The following DENND1A variants were observed in gnomAD, a reference collection of about 807,000 sequenced individuals.
The protein encoded by DENND1A is DENN domain-containing protein 1A.
In DENND1A, 51 loss-of-function variants were observed where a neutral mutation model predicts 113.7. That is an observed-to-expected ratio of 0.45 (90% CI 0.36 to 0.57). The LOEUF (loss-of-function observed/expected upper bound fraction) is 0.57, where lower values mean the gene tolerates loss of function less well. DENND1A is among the 20% of genes least tolerant of loss of function. DENND1A has a pLI of 0.00. For synonymous variants in DENND1A, 565 were observed against 570.8 expected (o/e 0.99, Z 0.14); for missense variants, 1,258 against 1,395.9 (o/e 0.90, Z 1.57).
chr9:123,692,051 G>C (rs1383867284), intron 5 of DENND1A, among the ~76,000 whole-genome samples: 1 of 152,128 alleles, frequency 6.6e-6, no homozygotes, highest in Non-Finnish European at 1.5e-5. Flanking sequence ...AGCAGGTGCG[G>C]TCCTCCCATT....
intron 5 of DENND1A, among the ~76,000 whole-genome samples, chr9:123,684,914 C>G (rs1158817270): frequency 6.6e-6 from 1 of 152,154 alleles, no homozygotes; most frequent in Admixed American, 6.5e-5. Flanking sequence ...TGGGTCAGTG[C>G]TTTGATAGAG....
At chr9:123,870,926 T>C (rs1435754430) in intron 2 of DENND1A, among the ~76,000 whole-genome samples, 6 of 152,142 alleles carry the variant, frequency 3.9e-5, no homozygotes, top group Non-Finnish European at 7.4e-5. Context: ...TCTATTGCCA[T>C]TCTTCAAGCT....
At chr9:123,696,645 C>G (rs779566160) in intron 5 of DENND1A, among the ~76,000 whole-genome samples, 1 of 152,152 alleles carries the variant, frequency 6.6e-6, no homozygotes, top group Non-Finnish European at 1.5e-5. Flanking sequence ...TTTATTCTAA[C>G]CAGAAGCAGC....
At chr9:123,452,425 T>A in intron 16 of DENND1A, 78 bp from the exon 17 acceptor site, 1 of 1,166,980 alleles carries the variant, frequency 8.6e-7, no homozygotes, top group East Asian at 2.3e-5. Context: ...TTCTCTTCAA[T>A]CGAGTTAAGC....
chr9:123,613,509 G>C (rs890818819), intron 10 of DENND1A, among the ~76,000 whole-genome samples: 1 of 152,148 alleles, frequency 6.6e-6, no homozygotes. Context: ...GAACTTATTT[G>C]TTGCTGTTCT....
chr9:123,443,748 A>G (rs757071291), intron 18 of DENND1A, among the ~76,000 whole-genome samples: 6 of 152,226 alleles, frequency 3.9e-5, no homozygotes, highest in Non-Finnish European at 8.8e-5. Flanking sequence ...TGAGCCCAGG[A>G]GTTTGAGACC....
intron 5 of DENND1A, among the ~76,000 whole-genome samples, chr9:123,721,288 C>A (rs2067314784): frequency 6.6e-6 from 1 of 152,212 alleles, no homozygotes; most frequent in African/African-American, 2.4e-5. Context: ...GTCCTTCCAG[C>A]CTCATTTCCT....
At chr9:123,487,535 C>T (rs1190382675) in intron 13 of DENND1A, among the ~76,000 whole-genome samples, 3 of 152,190 alleles carry the variant, frequency 2.0e-5, no homozygotes, top group African/African-American at 7.2e-5. Flanking sequence ...CGCATGGCCC[C>T]CAAATGGCTT....
intron 5 of DENND1A, among the ~76,000 whole-genome samples, chr9:123,753,592 G>A (rs1295120916): frequency 6.6e-6 from 1 of 152,144 alleles, no homozygotes; most frequent in Non-Finnish European, 1.5e-5. Flanking sequence ...CATGACACCT[G>A]TCCTCTCATT....
At chr9:123,781,084 A>G (rs7036122) in intron 3 of DENND1A, among the ~76,000 whole-genome samples, 11,777 of 152,224 alleles carry the variant, frequency 0.077, 926 homozygotes, top group African/African-American at 0.2. Flanking sequence ...CACAGCTAAG[A>G]TTTTGTGCAG....
At chr9:123,728,492 A>AC (rs1564149980) in intron 5 of DENND1A, among the ~76,000 whole-genome samples, 1 of 142,734 alleles carries the variant, frequency 7.0e-6, no homozygotes, top group African/African-American at 2.7e-5. Context: ...AAAAAAAAAA[A>AC]AAAAAAAAAA....
At chr9:123,396,103 G>C (rs888954840) in intron 21 of DENND1A, among the ~76,000 whole-genome samples, 2 of 152,168 alleles carry the variant, frequency 1.3e-5, no homozygotes, top group Non-Finnish European at 2.9e-5. Flanking sequence ...GGTGGTTCGT[G>C]GGGGAGGTGT....
At chr9:123,895,391 C>T (rs1359404660) in intron 1 of DENND1A, among the ~76,000 whole-genome samples, 5 of 152,110 alleles carry the variant, frequency 3.3e-5, no homozygotes, top group South Asian at 4.1e-4. Context: ...GAGGCCAAGG[C>T]GGGTGGATCA....
chr9:123,748,802 C>T (rs1459571495), intron 5 of DENND1A, among the ~76,000 whole-genome samples: 1 of 152,166 alleles, frequency 6.6e-6, no homozygotes, highest in Non-Finnish European at 1.5e-5. Flanking sequence ...AATCAAAAAG[C>T]ACCGAGGAGC....
intron 5 of DENND1A, among the ~76,000 whole-genome samples, chr9:123,747,932 T>C (rs1179785489): frequency 2.0e-5 from 3 of 152,118 alleles, no homozygotes; most frequent in African/African-American, 7.2e-5. Context: ...CTATTCTTCA[T>C]TGTCAAGAAT....
intron 8 of DENND1A, among the ~76,000 whole-genome samples, chr9:123,663,115 T>G (rs1204911417): frequency 6.6e-6 from 1 of 152,242 alleles, no homozygotes; most frequent in Non-Finnish European, 1.5e-5. Context: ...TAATATGCAT[T>G]ACTTTCATAA....
At chr9:123,530,617 GT>G (rs200841007) in intron 13 of DENND1A, among the ~76,000 whole-genome samples, 2,658 of 152,242 alleles carry the variant, frequency 0.017, 30 homozygotes, top group Non-Finnish European at 0.027. Context: ...TATTTTGTTA[GT>G]TTTTTTAAAA....
chr9:123,918,467 A>G lies in DENND1A; in HGVS notation c.17+11422T>C, dbSNP rs980203215. Among the ~76,000 whole-genome samples the G allele has an allele frequency of 4.0e-5, 6 of 149,222 alleles. No individual in the cohort carries two copies. The South Asian group carries it at 8.6e-4, about 21-fold the overall frequency. On this transcript the variant is annotated intron_variant, in intron 1 of 23. Transcript: ENST00000394215. The stretch of plus-strand genomic sequence containing the variant: ...CACGCCACTGCTCTCCAGCCTGGGC[A>G]ATAGAGGGAGACTCCGTCTCAGAAA...
chr9:123,703,879 A>G (rs2066024426), intron 5 of DENND1A, among the ~76,000 whole-genome samples: 1 of 152,134 alleles, frequency 6.6e-6, no homozygotes, highest in Non-Finnish European at 1.5e-5. Flanking sequence ...TATCTTGACC[A>G]TGGTAGTGGT....
Sources: allele counts gnomAD v4.1 joint callset (sites outside exome capture counted in the v4.1 genomes callset), GRCh38; gene constraint gnomAD v4.1.1; transcripts MANE v1.5; gene names NCBI Gene and HGNC (gene_info 2026-07-23, HGNC 2026-07-21).